CSGALNACT1: variants seen among roughly 807,000 people sequenced by gnomAD.
CSGALNACT1 encodes the protein chondroitin sulfate N-acetylgalactosaminyltransferase 1.
In CSGALNACT1, 52 loss-of-function variants were observed where a neutral mutation model predicts 51.0. The ratio of observed to expected loss-of-function variants is 1.02; its 90% CI spans 0.82 to 1.29. The LOEUF (loss-of-function observed/expected upper bound fraction) is 1.29. CSGALNACT1 is among the 50% of genes most tolerant of loss of function. The probability of loss-of-function intolerance (pLI) is 0.00; values close to 1 mark genes in which losing one functional copy is unlikely to be tolerated. For synonymous variants in CSGALNACT1, 341 were observed against 254.4 expected, an observed-to-expected ratio of 1.34 and a Z score of -3.24; for missense variants, 935 against 679.2, an observed-to-expected ratio of 1.38 and a Z score of -4.19.
chr8:19,597,760 T>C (rs976254150), intron 2 of CSGALNACT1, among the ~76,000 whole-genome samples: 6 of 152,246 alleles, frequency 3.9e-5, no homozygotes. Context: ...ATAACATTGC[T>C]AGCTTCTGAT....
At chr8:19,469,227 A>G (rs1010127106) in intron 4 of CSGALNACT1, among the ~76,000 whole-genome samples, 1 of 152,056 alleles carries the variant, frequency 6.6e-6, no homozygotes, top group African/African-American at 2.4e-5. Context: ...TTGTCTCTAG[A>G]AAAAAATGTA....
intron 5 of CSGALNACT1, chr8:19,457,602 G>C: frequency 8.8e-7 from 1 of 1,135,686 alleles, no homozygotes; most frequent in Non-Finnish European, 1.2e-6. Context: ...GACAGAGTAA[G>C]ACTCCATCTC....
At chr8:19,481,638 T>A (rs1001415211) in intron 4 of CSGALNACT1, among the ~76,000 whole-genome samples, 3 of 152,090 alleles carry the variant, frequency 2.0e-5, no homozygotes, top group Non-Finnish European at 2.9e-5. Flanking sequence ...ATCCTTATGG[T>A]CAAAATTTTA....
intron 5 of CSGALNACT1, among the ~76,000 whole-genome samples, chr8:19,441,457 A>C (rs1440142203): frequency 6.6e-6 from 1 of 152,236 alleles, no homozygotes; most frequent in Non-Finnish European, 1.5e-5. Flanking sequence ...TGACAAAAAC[A>C]AGAAATGGGG....
intron 1 of CSGALNACT1, among the ~76,000 whole-genome samples, chr8:19,691,327 G>C (rs1564433284): frequency 6.6e-6 from 1 of 152,144 alleles, no homozygotes; most frequent in Non-Finnish European, 1.5e-5. Context: ...AGGGCTTCTA[G>C]ATCTCACTGT....
intron 1 of CSGALNACT1, among the ~76,000 whole-genome samples, chr8:19,730,453 G>T (rs988828994): frequency 1.3e-5 from 2 of 152,212 alleles, no homozygotes; most frequent in Non-Finnish European, 2.9e-5. Flanking sequence ...CTGGTATTAT[G>T]TCCATGCTGA....
chr8:19,667,750 G>T (rs1372777153), intron 1 of CSGALNACT1, among the ~76,000 whole-genome samples: 1 of 151,828 alleles, frequency 6.6e-6, no homozygotes, highest in Non-Finnish European at 1.5e-5. Flanking sequence ...AAAATCATAG[G>T]CCATAAATCA....
chr8:19,513,436 C>CTCTCTCTCTCTCTCTCTCTATATATATA, intron 3 of CSGALNACT1, among the ~76,000 whole-genome samples: 3 of 81,970 alleles, frequency 3.7e-5, no homozygotes, highest in Admixed American at 1.7e-4. Context: ...CTCTCTCTCT[C>CTCTCTCTCTCTCTCTCTCTATATATATA]TATATATATA....
At position 19,543,094 on chromosome 8, in the gene CSGALNACT1, ATAAC is replaced by A. The variant is rs1156869729; in HGVS notation, c.-296-36968_-296-36965del. Among the ~76,000 whole-genome samples the A allele has an allele frequency of 2.3e-4, 35 of 152,326 alleles. 1 individual carries two copies. Among genetic ancestry groups the A allele is most frequent in the African/African-American group, 8.2e-4 (34 of 41,574 alleles). On this transcript the variant is annotated intron_variant, in intron 3 of 9. Transcript: ENST00000454498. ...ATATAACCCAGATTATGACTGAGTTATAACTAACAAATACTAGGCTCACGGAGTT... is the reference window on the plus strand; with the variant it reads ...ATATAACCCAGATTATGACTGAGTTATAACAAATACTAGGCTCACGGAGTT...
intron 3 of CSGALNACT1, among the ~76,000 whole-genome samples, chr8:19,589,725 G>A (rs1309345738): frequency 1.3e-5 from 2 of 152,146 alleles, no homozygotes; most frequent in Non-Finnish European, 2.9e-5. Context: ...GCTAATTTGA[G>A]CTAATTTGAT....
upstream of CSGALNACT1, among the ~76,000 whole-genome samples, chr8:19,606,702 T>A (rs971525849): frequency 5.3e-5 from 8 of 152,198 alleles, no homozygotes; most frequent in Admixed American, 2.0e-4. Context: ...CTCAAGTGGG[T>A]CACCCTGCTT....
intron 4 of CSGALNACT1, among the ~76,000 whole-genome samples, chr8:19,465,704 A>T (rs1165267379): frequency 1.3e-5 from 2 of 152,126 alleles, no homozygotes; most frequent in Non-Finnish European, 2.9e-5. Context: ...CTCTCTTCCT[A>T]AACTACTGTT....
At chr8:19,478,138 G>A (rs1204512364) in intron 4 of CSGALNACT1, among the ~76,000 whole-genome samples, 1 of 54,722 alleles carries the variant, frequency 1.8e-5, no homozygotes, top group Non-Finnish European at 4.9e-5. Flanking sequence ...GTCTGGGCCG[G>A]GTGCGGTGGC....
At position 19,529,309 on chromosome 8, in the gene CSGALNACT1, T is replaced by C. The variant is rs544389149; in HGVS notation, c.-296-23179A>G. On this transcript the variant is annotated intron_variant, in intron 3 of 9. Transcript: ENST00000454498. ...CAGAAGAGTGAGAGTGAGTGAGCAG[T>C]AGTTGGAAGGGTGTGTATCAGGGAG... is the stretch of plus-strand genomic sequence containing the variant. 9.2e-5 allele frequency among the ~76,000 whole-genome samples: 14 copies of C among 152,140 alleles called. No individual in the cohort carries two copies. In the South Asian group the frequency reaches 2.9e-3, roughly 32 times the overall value.
Position 19,757,587 on chromosome 8 carries a change from G to C in CSGALNACT1, c.-297+263C>G, listed in dbSNP as rs1426204839. ...TACGCGTGACTGGACACCAAGAGCCGGAGAAGTTTAGAGACTAGGACACTG... is the reference window on the plus strand; with the variant it reads ...TACGCGTGACTGGACACCAAGAGCCCGAGAAGTTTAGAGACTAGGACACTG... On this transcript the variant is annotated intron_variant, in intron 1 of 1. Coordinates refer to the CSGALNACT1 transcript ENST00000517494. The surrounding 1 kb of genome is among the most constrained non-coding windows in gnomAD (Gnocchi z 4.0). Among the ~76,000 whole-genome samples the C allele has an allele frequency of 2.0e-5, 3 of 152,168 alleles. No homozygotes were observed. Among genetic ancestry groups the C allele is most frequent in the Non-Finnish European group, 4.4e-5 (3 of 68,022 alleles).
intron 1 of CSGALNACT1, among the ~76,000 whole-genome samples, chr8:19,664,483 G>C (rs546589443): frequency 4.1e-4 from 62 of 152,210 alleles, no homozygotes; most frequent in African/African-American, 1.4e-3. Flanking sequence ...TCCCACTACT[G>C]GGTATCTACC....
At chr8:19,588,485 G>C (rs1167138990) in intron 3 of CSGALNACT1, among the ~76,000 whole-genome samples, 1 of 152,160 alleles carries the variant, frequency 6.6e-6, no homozygotes, top group East Asian at 1.9e-4. Context: ...TACAAATACT[G>C]ATTACCTAAA....
At chr8:19,480,714 C>A (rs910202006) in intron 4 of CSGALNACT1, among the ~76,000 whole-genome samples, 4 of 152,172 alleles carry the variant, frequency 2.6e-5, no homozygotes, top group Non-Finnish European at 5.9e-5. Context: ...GAGTGTCCAG[C>A]AATGAAGAAG....
intron 1 of CSGALNACT1, among the ~76,000 whole-genome samples, chr8:19,756,146 A>C (rs992678096): frequency 6.6e-6 from 1 of 152,222 alleles, no homozygotes; most frequent in Admixed American, 6.5e-5. Flanking sequence ...TCACTGTTGC[A>C]AGTAACACCA....
Sources: allele counts gnomAD v4.1 joint callset (sites outside exome capture counted in the v4.1 genomes callset), GRCh38; gene constraint gnomAD v4.1.1; non-coding constraint Gnocchi (gnomAD v3.1); transcripts MANE v1.5; gene names NCBI Gene and HGNC (gene_info 2026-07-23, HGNC 2026-07-21).